NSUN2: variants seen among roughly 807,000 people sequenced by gnomAD.
NSUN2 encodes the protein NOP2/Sun RNA methyltransferase 2, also known as RNA cytosine C(5)-methyltransferase NSUN2.
A neutral mutation model predicts 92.7 loss-of-function variants in NSUN2; 63 were observed. That is an observed-to-expected ratio of 0.68 (90% CI 0.56 to 0.84). The LOEUF is 0.84. Ranked by LOEUF, NSUN2 falls within the 40% of genes least tolerant of loss-of-function variation. NSUN2 has a pLI of 0.00. For missense variants in NSUN2, 989 were observed against 964.9 expected (o/e 1.02, Z -0.33); for synonymous variants, 356 against 348.3 (o/e 1.02, Z -0.25).
rs1737279776 is a variant in NSUN2, at chr5:6,617,993, C to T, written c.847G>A (p.Val283Ile). ...TTTAAGGTGGTCCACTTTTTCCAAA[C>T]ATCAATGTTTTTTCTCATAGTGCCG... is the stretch of plus-strand genomic sequence containing the variant. Reference protein sequence around the residue: ...GDGTMRKNIDVWKKWTTLNSL... With the variant: ...GDGTMRKNIDIWKKWTTLNSL... The change falls in exon 8 of 19, where the codon GTT becomes ATT. Residue 283 changes from valine to isoleucine, a missense_variant. This residue lies in a region of NSUN2 where 626 missense variants were observed against 602.3 expected (regional missense o/e 1.04). Coordinates refer to ENST00000264670, the MANE Select transcript of NSUN2 (RefSeq NM_017755.6). 1 of 1,613,776 alleles carries T rather than the reference C, an allele frequency of 6.2e-7. No individual in the cohort carries two copies. Among genetic ancestry groups the T allele is most frequent in the South Asian group, 1.1e-5 (1 of 91,054 alleles).
chr5:6,610,523 T>C (rs1579361392), intron 11 of NSUN2, among the ~76,000 whole-genome samples: 1 of 152,076 alleles, frequency 6.6e-6, no homozygotes, highest in East Asian at 1.9e-4. Flanking sequence ...ACCCTGTCTC[T>C]ACTAATAAAA....
At chr5:6,611,691 CT>C (rs1737000055) in intron 10 of NSUN2, 33 bp downstream of exon 10, 3 of 1,591,446 alleles carry the variant, frequency 1.9e-6, no homozygotes, top group Admixed American at 1.7e-5. Context: ...GCTGCACCTA[CT>C]CTTTAGAATG....
chr5:6,611,730 A>G lies in NSUN2; in HGVS notation c.1090T>C (p.Trp364Arg). ...AGTTCTCGAGGAAAGGTTACCTTCC[A>G]CTGTGTGATTCCAGGCATCCACTTC... ...GLKWMPGITQ[W>R]KVMTKDGQWF... The change falls in exon 10 of 19, where the codon TGG (tryptophan) becomes CGG (arginine). Residue 364 changes from tryptophan (W) to arginine (R), a missense_variant. Physicochemically the swap from Trp to Arg is moderately radical, Grantham distance 101 (BLOSUM62 -3). Around this residue, in one of 3 missense-constraint regions of NSUN2, gnomAD observed 626 missense variants for 602.3 expected, o/e 1.04. Coordinates refer to ENST00000264670, the MANE Select transcript of NSUN2 (RefSeq NM_017755.6). 1 of 1,614,108 alleles carries G rather than the reference A, an allele frequency of 6.2e-7. No individual in the cohort carries two copies. The highest frequency in any genetic ancestry group is 8.5e-7 in the Non-Finnish European group (1 of 1,179,950).
intron 4 of NSUN2, 34 bp from the exon 5 acceptor site, chr5:6,623,319 G>GGAAA: frequency 1.6e-6 from 2 of 1,246,708 alleles, no homozygotes; most frequent in East Asian, 2.6e-5. Context: ...CAACAATTAG[G>GGAAA]AAAAAAAAAA....
intron 11 of NSUN2, 79 bp from the exon 12 acceptor site, chr5:6,610,001 A>T (rs1730172960): frequency 3.2e-6 from 3 of 951,662 alleles, no homozygotes; most frequent in Non-Finnish European, 4.7e-6. Context: ...TACCGCAAAG[A>T]TGATACAAGA....
intron 3 of NSUN2, among the ~76,000 whole-genome samples, chr5:6,631,534 C>T (rs558710618): frequency 6.6e-6 from 1 of 152,272 alleles, no homozygotes; most frequent in South Asian, 2.1e-4. Context: ...TAAGTCTGTC[C>T]TTTTTCTGAA....
intron 7 of NSUN2, among the ~76,000 whole-genome samples, chr5:6,618,649 A>T (rs975670931): frequency 2.6e-5 from 4 of 152,194 alleles, no homozygotes; most frequent in African/African-American, 9.7e-5. Flanking sequence ...ATAATAGCTA[A>T]ATTTTTCTTA....
chr5:6,599,836 G>A lies in NSUN2; in HGVS notation c.*90C>T, dbSNP rs1736467747. On this transcript the variant is annotated 3_prime_UTR_variant, in exon 19 of 19. Transcript: ENST00000264670. Reference sequence around the variant, plus strand: ...AGAAATATATGCTTTACAGGCCACAGGCTGCTCTGGATTTGGTTTCAGACA... The same window carrying A: ...AGAAATATATGCTTTACAGGCCACAAGCTGCTCTGGATTTGGTTTCAGACA... The A allele has an allele frequency of 1.7e-6, 2 of 1,155,194 alleles. No homozygotes were observed. Among genetic ancestry groups the A allele is most frequent in the Non-Finnish European group, 2.5e-6 (2 of 798,332 alleles). 71.6% of individuals were successfully genotyped at this position (1,155,194 alleles called of 1,614,324 possible). A position where few individuals can be genotyped will look rare whatever the true frequency, so the allele number is the denominator to read the frequency against.
intron 6 of NSUN2, chr5:6,621,182 A>G (rs1308946770): frequency 6.6e-6 from 1 of 152,144 alleles, no homozygotes; most frequent in Non-Finnish European, 1.5e-5. Context: ...TCACTATAAC[A>G]GCTAACATTT....
At chr5:6,627,157 A>T (rs976540291) in intron 3 of NSUN2, among the ~76,000 whole-genome samples, 5 of 152,244 alleles carry the variant, frequency 3.3e-5, no homozygotes, top group African/African-American at 1.2e-4. Context: ...TGTGTTCAAA[A>T]ATATAAAGCC....
In NSUN2 at chr5:6,600,062, G is replaced by A. The variant is rs774414512; in HGVS notation, c.2168C>T (p.Ala723Val). 16 of 1,614,076 alleles carry A rather than the reference G, an allele frequency of 9.9e-6. No homozygotes were observed. Among genetic ancestry groups the A allele is most frequent in the Admixed American group, 1.7e-5 (1 of 60,010 alleles). ...GTCATTGTCTGGCTGTCCGGTGCTG[G>A]CTGCACTCTCATTTGTGAGGATAAC... ...EGVILTNESAASTGQPDNDVT... is the reference protein window; with the variant it reads ...EGVILTNESAVSTGQPDNDVT... Residue 723 changes from alanine to valine, a missense_variant, in exon 19 of 19, where the codon GCC becomes GTC. This residue lies in a region of NSUN2 where 626 missense variants were observed against 602.3 expected (regional missense o/e 1.04). Coordinates refer to ENST00000264670, the MANE Select transcript of NSUN2 (RefSeq NM_017755.6).
At chr5:6,601,905 G>A (rs1033124017) in intron 18 of NSUN2, among the ~76,000 whole-genome samples, 14 of 152,106 alleles carry the variant, frequency 9.2e-5, no homozygotes, top group Middle Eastern at 3.2e-3. Flanking sequence ...CTAACTTTCT[G>A]TCCCGGCTTC....
intron 3 of NSUN2, among the ~76,000 whole-genome samples, chr5:6,627,594 T>C (rs556178158): frequency 7.9e-5 from 12 of 152,250 alleles, no homozygotes; most frequent in Non-Finnish European, 1.6e-4. Context: ...ATTAAAATTC[T>C]ACAGTATTTA....
Position 6,621,904 on chromosome 5 carries a change from T to G in NSUN2, c.622+112A>C, listed in dbSNP as rs2303705. On this transcript the variant is annotated intron_variant, in intron 6 of 18. Transcript: ENST00000264670. ...TCCGGTAGACGGAAAACCCAACTGC[T>G]TGTCATAGGAGACTTTAGAGCCAAA... is the stretch of plus-strand genomic sequence containing the variant. The G allele has an allele frequency of 0.35, 292,749 of 826,958 alleles. 54,152 individuals carry two copies. The highest frequency in any genetic ancestry group is 0.39 in the Middle Eastern group (1,686 of 4,362). The allele number at this position is 826,958 out of a possible 1,614,324, so 51.2% of individuals were successfully genotyped here.
intron 5 of NSUN2, among the ~76,000 whole-genome samples, chr5:6,622,801 C>T (rs1243178309): frequency 6.7e-6 from 1 of 149,726 alleles, no homozygotes; most frequent in African/African-American, 2.5e-5. Flanking sequence ...GAGCCAAGAT[C>T]GCGCCACTGC....
Position 6,609,938 on chromosome 5 carries a change from T to C in NSUN2, c.1227-16A>G. On this transcript the variant is annotated splice_polypyrimidine_tract_variant and intron_variant, in intron 11 of 18. Transcript: ENST00000264670. ...TATCCTAAGGCTAAATATATATATA[T>C]AATTCACACCTCTGAACTAATCAAA... 6.7e-7 allele frequency: 1 copy of C among 1,503,198 alleles called. No individual in the cohort carries two copies. Among genetic ancestry groups the C allele is most frequent in the Non-Finnish European group, 9.2e-7 (1 of 1,086,042 alleles). 93.1% of individuals were successfully genotyped at this position (1,503,198 alleles called of 1,614,324 possible).
intron 16 of NSUN2, 103 bp downstream of exon 16, chr5:6,604,502 G>A (rs1410432628): frequency 7.2e-6 from 8 of 1,116,254 alleles, no homozygotes; most frequent in Non-Finnish European, 1.1e-5. Context: ...TGCCAGCCAA[G>A]CCCTGAGCCA....
Position 6,602,458 on chromosome 5 carries a change from T to C in NSUN2, c.1997+3A>G. ...TCTAAGGGCAGGGCGTGTACTGACTTACGCAGAATCTGGTTCATACTTCAG... is the reference window on the plus strand; with the variant it reads ...TCTAAGGGCAGGGCGTGTACTGACTCACGCAGAATCTGGTTCATACTTCAG... On this transcript the variant is annotated splice_donor_region_variant and intron_variant, in intron 18 of 18. Transcript: ENST00000264670. 6.2e-7 allele frequency: 1 copy of C among 1,614,090 alleles called. No homozygotes were observed. The highest frequency in any genetic ancestry group is 8.5e-7 in the Non-Finnish European group (1 of 1,179,926).
chr5:6,604,086 G>A, intron 17 of NSUN2, 52 bp downstream of exon 17: 2 of 1,543,350 alleles, frequency 1.3e-6, no homozygotes, highest in Admixed American at 1.9e-5. Context: ...CATTTTTGCT[G>A]GCCTTATAAA....
Sources: gnomAD v4.1 joint callset for allele counts (sites outside exome capture counted in the v4.1 genomes callset) on GRCh38, gnomAD v4.1.1 for gene constraint, gnomAD v4.1.1 regional missense constraint, MANE v1.5 for transcripts, NCBI Gene and HGNC (gene_info 2026-07-23, HGNC 2026-07-21) for gene names.